HAUS3: variants seen among roughly 807,000 people sequenced by gnomAD.
The protein encoded by HAUS3 is HAUS augmin-like complex subunit 3.
HAUS3 carries 36 observed loss-of-function variants against 55.2 expected under a neutral mutation model. That is an observed-to-expected ratio of 0.65 (90% CI 0.50 to 0.86). The LOEUF (loss-of-function observed/expected upper bound fraction) is 0.86. Among genes scored for constraint, HAUS3 ranks in the 40% least tolerant of loss-of-function variants. The probability of loss-of-function intolerance (pLI) is 0.00; values close to 1 mark genes in which losing one functional copy is unlikely to be tolerated. For missense variants in HAUS3, 752 were observed against 671.5 expected (o/e 1.12, Z -1.33); for synonymous variants, 234 against 238.6 (o/e 0.98, Z 0.18).
At chr4:2,232,213 T>C (rs1734608240) in intron 5 of HAUS3, 53 bp from the exon 6 acceptor site, 2 of 780,254 alleles carry the variant, frequency 2.6e-6, no homozygotes, top group Non-Finnish European at 3.9e-6. Context: ...CTAATACCAA[T>C]TATAAAATTA....
rs564665081 is a variant in HAUS3, at chr4:2,230,758, T to C, written c.*1169A>G. The C allele has an allele frequency of 1.3e-5, 2 of 152,074 alleles. No individual in the cohort carries two copies. Among genetic ancestry groups the C allele is most frequent in the Admixed American group, 1.3e-4 (2 of 15,250 alleles). 9.4% of individuals were successfully genotyped at this position (152,074 alleles called of 1,614,324 possible). A position where few individuals can be genotyped will look rare whatever the true frequency, so the allele number is the denominator to read the frequency against. ...CAGGTGAGGAATATTCTTAAAGGTA[T>C]TCCTACAAAGCTCACATGGTATTTA... On this transcript the variant is annotated 3_prime_UTR_variant, in exon 6 of 6. Coordinates refer to ENST00000443786, the MANE Select transcript of HAUS3 (RefSeq NM_001303143.2).
chr4:2,234,277 T>A (rs1734681449), intron 5 of HAUS3: 1 of 152,172 alleles, frequency 6.6e-6, no homozygotes, highest in Non-Finnish European at 1.5e-5. Context: ...AGGTCAAAAT[T>A]AAGAACTACA....
rs745922948 is a variant in HAUS3, at chr4:2,231,965, T to C, written c.1774A>G (p.Thr592Ala). 5.5e-6 allele frequency: 8 copies of C among 1,452,026 alleles called. No homozygotes were observed. The highest frequency in any genetic ancestry group is 1.2e-5 in the South Asian group (1 of 81,884). The allele number at this position is 1,452,026 out of a possible 1,614,324, so 89.9% of individuals were successfully genotyped here. Residue 592 changes from threonine (T) to alanine (A), a missense_variant, in exon 6 of 6, where the codon ACT (threonine) becomes GCT (alanine). By Grantham distance (58) the Thr-to-Ala change is moderately conservative. Coordinates refer to ENST00000443786, the MANE Select transcript of HAUS3 (RefSeq NM_001303143.2). ...CTAACAGCCTTAATCTTTGATTGAGTTTCTAAATTCTCCACAATATCTTTC... is the reference window on the plus strand; with the variant it reads ...CTAACAGCCTTAATCTTTGATTGAGCTTCTAAATTCTCCACAATATCTTTC... ...YLKDIVENLETQSKIKAVSLE... is the reference protein window; with the variant it reads ...YLKDIVENLEAQSKIKAVSLE...
Position 2,240,352 on chromosome 4 carries a change from A to C in HAUS3, c.595T>G (p.Ser199Ala), listed in dbSNP as rs1043080692. 2.5e-6 allele frequency: 4 copies of C among 1,601,708 alleles called. No homozygotes were observed. The highest frequency in any genetic ancestry group is 3.4e-6 in the Non-Finnish European group (4 of 1,172,398). ...TCCTGACTTAGGTATTTTTCCAAGG[A>C]AAATTGCGATAAAAATACCAGTGGA... ...TNPLVFLSQF[S>A]LEKYLSQEEQ... Residue 199 changes from serine (S) to alanine (A), a missense_variant, in exon 3 of 6, where the codon TCC becomes GCC. Coordinates refer to ENST00000443786, the MANE Select transcript of HAUS3 (RefSeq NM_001303143.2).
rs1734583516 is a variant in HAUS3, at chr4:2,231,653, T to C, written c.*274A>G. The C allele has an allele frequency of 4.7e-6, 1 of 212,794 alleles. No homozygotes were observed. 13.2% of individuals were successfully genotyped at this position (212,794 alleles called of 1,614,324 possible). On this transcript the variant is annotated 3_prime_UTR_variant, in exon 6 of 6. Coordinates refer to ENST00000443786, the MANE Select transcript of HAUS3 (RefSeq NM_001303143.2). ...TTTCTAAAAAGGAGAGAGATAACTA[T>C]ATTAAAAAATATTTGCATTATGTAA...
At position 2,240,247 on chromosome 4, in the gene HAUS3, T is replaced by C. The variant is rs1274431045; in HGVS notation, c.700A>G (p.Asn234Asp). ...QGIHEVVESS[N>D]EDNFQLLDIQ... Reference sequence around the variant, plus strand: ...TCTAAAAGTTGAAAATTGTCTTCATTTGAACTTTCAACTACTTCATGTATA... The same window carrying C: ...TCTAAAAGTTGAAAATTGTCTTCATCTGAACTTTCAACTACTTCATGTATA... Residue 234 changes from asparagine (N) to aspartate (D), a missense_variant, in exon 3 of 6, where the codon AAT (asparagine) becomes GAT (aspartate). Transcript: ENST00000443786. 6.2e-7 allele frequency: 1 copy of C among 1,613,694 alleles called. No individual in the cohort carries two copies. The highest frequency in any genetic ancestry group is 2.2e-5 in the East Asian group (1 of 44,876).
At chr4:2,234,113 G>A (rs939913284) in intron 5 of HAUS3, 1 of 152,130 alleles carries the variant, frequency 6.6e-6, no homozygotes, top group African/African-American at 2.4e-5. Flanking sequence ...CAAAATTGAT[G>A]GCACAGTAAT....
At chr4:2,238,470 GA>G (rs1414661656) in intron 4 of HAUS3, 133 bp downstream of exon 4, 25 of 515,400 alleles carry the variant, frequency 4.9e-5, no homozygotes, top group Middle Eastern at 5.2e-4. Context: ...TATGAAAATG[GA>G]AAAAAAATAG....
chr4:2,241,775 G>C lies in HAUS3; in HGVS notation c.-403C>G, dbSNP rs934145558. 2 of 985,368 alleles carry C rather than the reference G, an allele frequency of 2.0e-6. No homozygotes were observed. The highest frequency in any genetic ancestry group is 1.7e-5 in the African/African-American group (1 of 57,236). The allele number at this position is 985,368 out of a possible 1,614,324, so 61.0% of individuals were successfully genotyped here. On this transcript the variant is annotated 5_prime_UTR_variant, in exon 2 of 6. Transcript: ENST00000443786. ...CCTTCCTTCGGAGGGTCACCCAGCT[G>C]TGACACCTAAGCACGCTGACAAAAC... is the stretch of plus-strand genomic sequence containing the variant.
Position 2,238,890 on chromosome 4 carries a change from C to G in HAUS3, c.1063G>C (p.Asp355His). ...TGTTTAGCAATCTGCAGATCAAAATCTCCCTTTACCACTGGCATATTCAAT... is the reference window on the plus strand; with the variant it reads ...TGTTTAGCAATCTGCAGATCAAAATGTCCCTTTACCACTGGCATATTCAAT... Reference protein sequence around the residue: ...QLLNMPVVKGDFDLQIAKQDY... With the variant: ...QLLNMPVVKGHFDLQIAKQDY... The change falls in exon 4 of 6, where the codon GAT (aspartate) becomes CAT (histidine). Residue 355 changes from aspartate to histidine, a missense_variant. By Grantham distance (81) the Asp-to-His change is moderately conservative (BLOSUM62 -1). Coordinates refer to ENST00000443786, the MANE Select transcript of HAUS3 (RefSeq NM_001303143.2). 6.2e-7 allele frequency: 1 copy of G among 1,613,116 alleles called. No individual in the cohort carries two copies. Among genetic ancestry groups the G allele is most frequent in the East Asian group, 2.2e-5 (1 of 44,792 alleles).
In HAUS3 at chr4:2,241,564, C is replaced by A. The variant is rs1734989528; in HGVS notation, c.-192G>T. The A allele has an allele frequency of 3.0e-6, 3 of 985,782 alleles. No homozygotes were observed. 61.1% of individuals were successfully genotyped at this position (985,782 alleles called of 1,614,324 possible). A position where few individuals can be genotyped will look rare whatever the true frequency, so the allele number is the denominator to read the frequency against. ...AGGCTCCACCTCCAGAGTCCACCAC[C>A]GCGACGCGGAGAACAGCAGGAGCAG... is the stretch of plus-strand genomic sequence containing the variant. On this transcript the variant is annotated 5_prime_UTR_variant, in exon 2 of 6. Transcript: ENST00000443786.
Position 2,236,430 on chromosome 4 carries a change from T to C in HAUS3, c.1376A>G (p.Asn459Ser). ...HRLYQVLEGE[N>S]KKKELFLTHG... ...AGTTAGAAACAATTCTTTTTTCTTA[T>C]TCTCTCCCTCCAAAACTTGGTAAAG... The change falls in exon 5 of 6, where the codon AAT becomes AGT. Residue 459 changes from asparagine (N) to serine (S), a missense_variant. Coordinates refer to ENST00000443786, the MANE Select transcript of HAUS3 (RefSeq NM_001303143.2). The C allele has an allele frequency of 6.2e-7, 1 of 1,612,470 alleles. No individual in the cohort carries two copies. The highest frequency in any genetic ancestry group is 1.1e-5 in the South Asian group (1 of 91,046).
intron 2 of HAUS3, 36 bp from the exon 3 acceptor site, chr4:2,241,129 A>T: frequency 1.9e-6 from 1 of 524,112 alleles, no homozygotes; most frequent in Non-Finnish European, 3.3e-6. Flanking sequence ...GACCACAAAT[A>T]TGACGACAGT....
chr4:2,240,821 C>G lies in HAUS3; in HGVS notation c.126G>C (p.Trp42Cys). Residue 42 changes from tryptophan (W) to cysteine (C), a missense_variant, in exon 3 of 6, where the codon TGG becomes TGC. Physicochemically the swap from Trp to Cys is radical, Grantham distance 215. Transcript: ENST00000443786. ...EGVEDESFLK[W>C]FCGNVNEQNV... ...TCTGTTCATTCACATTCCCACAAAA[C>G]CACTTCAGAAACGATTCATCTTCAA... 1.9e-6 allele frequency: 3 copies of G among 1,613,840 alleles called. No homozygotes were observed. Among genetic ancestry groups the G allele is most frequent in the Non-Finnish European group, 2.5e-6 (3 of 1,180,006 alleles).
chr4:2,239,298 C>T (rs1734885733), intron 3 of HAUS3, among the ~76,000 whole-genome samples: 1 of 152,154 alleles, frequency 6.6e-6, no homozygotes, highest in African/African-American at 2.4e-5. Flanking sequence ...TCTTATTATA[C>T]TTCTTTTAAT....
At chr4:2,237,699 G>C in intron 4 of HAUS3, among the ~76,000 whole-genome samples, 1 of 151,700 alleles carries the variant, frequency 6.6e-6, no homozygotes, top group South Asian at 2.1e-4. Context: ...GATTGTGGTG[G>C]GATTAAAAGA....
chr4:2,231,867 T>C lies in HAUS3; in HGVS notation c.*60A>G. ...TTTAAAAATTTAGTAGTGTTTATTA[T>C]ACACAGTCTTCTAATAAATAAAAGA... On this transcript the variant is annotated 3_prime_UTR_variant, in exon 6 of 6. Transcript: ENST00000443786. 2.7e-6 allele frequency: 2 copies of C among 747,346 alleles called. No individual in the cohort carries two copies. Among genetic ancestry groups the C allele is most frequent in the Non-Finnish European group, 4.5e-6 (2 of 445,822 alleles). The allele number at this position is 747,346 out of a possible 1,614,324, so 46.3% of individuals were successfully genotyped here.
chr4:2,237,573 C>A (rs1260413687), intron 4 of HAUS3, among the ~76,000 whole-genome samples: 1 of 152,006 alleles, frequency 6.6e-6, no homozygotes, highest in African/African-American at 2.4e-5. Flanking sequence ...GAATTTGAAA[C>A]GGAAGACCTA....
Position 2,241,705 on chromosome 4 carries a change from C to T in HAUS3, c.-333G>A. The T allele has an allele frequency of 6.1e-6, 6 of 985,494 alleles. No homozygotes were observed. Among genetic ancestry groups the T allele is most frequent in the Non-Finnish European group, 7.2e-6 (6 of 829,950 alleles). 61.0% of individuals were successfully genotyped at this position (985,494 alleles called of 1,614,324 possible). The stretch of plus-strand genomic sequence containing the variant: ...AGAGGCAGCGGCAAGCCCCAGGGAT[C>T]CGCGGCCCCAAGGCCGCGATACACC... On this transcript the variant is annotated 5_prime_UTR_variant, in exon 2 of 6. Transcript: ENST00000443786.
Sources: gnomAD v4.1 joint callset for allele counts (sites outside exome capture counted in the v4.1 genomes callset) on GRCh38, gnomAD v4.1.1 for gene constraint, MANE v1.5 for transcripts, NCBI Gene and HGNC (gene_info 2026-07-23, HGNC 2026-07-21) for gene names.